KIAA0753: variants seen among roughly 807,000 people sequenced by gnomAD.
KIAA0753 encodes KIAA0753.
KIAA0753 carries 114 observed loss-of-function variants against 116.9 expected under a neutral mutation model. The observed-to-expected ratio is 0.98, with a 90% CI of 0.84 to 1.14. KIAA0753 has a LOEUF of 1.14. KIAA0753 is among the 50% of genes most tolerant of loss of function. KIAA0753 has a pLI of 0.00. For missense variants in KIAA0753, 1,156 were observed against 1,172.4 expected (o/e 0.99, Z 0.20); for synonymous variants, 405 against 413.1 (o/e 0.98, Z 0.24).
At chr17:6,594,288 C>CCA (rs371954732) in intron 16 of KIAA0753, among the ~76,000 whole-genome samples, 99 of 133,188 alleles carry the variant, frequency 7.4e-4, no homozygotes, top group African/African-American at 2.4e-3. Context: ...CCCCCCCCCC[C>CCA]AGAACTATAG....
intron 2 of KIAA0753, among the ~76,000 whole-genome samples, chr17:6,634,040 C>T (rs944168921): frequency 4.0e-5 from 6 of 150,234 alleles, no homozygotes; most frequent in African/African-American, 1.5e-4. Flanking sequence ...CATCTTTCAC[C>T]ATTTCTGACG....
intron 8 of KIAA0753, among the ~76,000 whole-genome samples, chr17:6,610,944 G>A (rs949750197): frequency 3.3e-5 from 5 of 152,194 alleles, no homozygotes; most frequent in African/African-American, 1.2e-4. Context: ...TGCCATAGAA[G>A]TTTGGGAAGA....
chr17:6,609,644 AAATATAAAAAAG>A (rs563678591), intron 9 of KIAA0753, among the ~76,000 whole-genome samples: 22 of 152,254 alleles, frequency 1.4e-4, no homozygotes, highest in Non-Finnish European at 2.8e-4. Flanking sequence ...CTGGACATTC[AAATATAAAAAAG>A]AATATAAAAA....
intron 14 of KIAA0753, among the ~76,000 whole-genome samples, chr17:6,597,550 ACTT>A (rs1185452697): frequency 1.3e-5 from 2 of 152,198 alleles, no homozygotes; most frequent in African/African-American, 2.4e-5. Context: ...CTTTTCATAT[ACTT>A]CTTCTGAATT....
rs1567540817 is a variant in KIAA0753 at position 6,591,061 on chromosome 17, A to AGAAGGAAGAAG, written c.2441-432_2441-431insCTTCTTCCTTC. On this transcript the variant is annotated intron_variant, in intron 16 of 18. Coordinates refer to ENST00000361413, the MANE Select transcript of KIAA0753 (RefSeq NM_014804.3). Reference sequence around the variant, plus strand: ...AGAAGGAAGAAGAAGAAGAAGAAGAAGAAGAAGAAGAAGAAGAAGAAGAAG... The same window carrying AGAAGGAAGAAG: ...AGAAGGAAGAAGAAGAAGAAGAAGAAGAAGGAAGAAGGAAGAAGAAGAAGAAGAAGAAGAAG... Among the ~76,000 whole-genome samples, 75 of 72,510 alleles carry AGAAGGAAGAAG rather than the reference A, an allele frequency of 1.0e-3. 2 individuals are homozygous for AGAAGGAAGAAG. The highest frequency in any genetic ancestry group is 7.1e-3 in the Middle Eastern group (1 of 140). The allele number at this position is 72,510 out of a possible 152,430, so 47.6% of individuals were successfully genotyped here. A position where few individuals can be genotyped will look rare whatever the true frequency, so the allele number is the denominator to read the frequency against.
chr17:6,623,985 C>T (rs141476734), intron 4 of KIAA0753: 87 of 155,690 alleles, frequency 5.6e-4, no homozygotes, highest in Non-Finnish European at 8.2e-4. Flanking sequence ...GCAATCTCTA[C>T]GGCAGCAGTG....
chr17:6,580,314 T>C (rs1053225563), intron 18 of KIAA0753, among the ~76,000 whole-genome samples: 2 of 151,274 alleles, frequency 1.3e-5, no homozygotes, highest in Admixed American at 6.6e-5. Flanking sequence ...ACAGCCAAGA[T>C]ACTTTTTTTT....
rs779913062 is a variant in KIAA0753 at position 6,628,123 on chromosome 17, T to A, written c.712A>T (p.Lys238Ter). Reference sequence around the variant, plus strand: ...AGAATCTAATTTTTCTCACCTTTTTTAGTTACCTCTTCAATTTTGTGGATA... The same window carrying A: ...AGAATCTAATTTTTCTCACCTTTTTAAGTTACCTCTTCAATTTTGTGGATA... The part of the protein sequence containing the change: ...SCIHKIEEVT[K>*]KDRLEEALDP... The change falls in exon 3 of 19, where the codon AAA becomes TAA. Residue 238 changes from lysine to a stop codon, truncating the protein, a stop_gained. Transcript: ENST00000361413. LOFTEE classifies it high-confidence loss of function. 6.2e-7 allele frequency: 1 copy of A among 1,605,942 alleles called. No individual in the cohort carries two copies. Among genetic ancestry groups the A allele is most frequent in the South Asian group, 1.1e-5 (1 of 89,766 alleles).
chr17:6,610,371 T>TGAAA (rs1234486015), intron 8 of KIAA0753, among the ~76,000 whole-genome samples: 1 of 151,978 alleles, frequency 6.6e-6, no homozygotes, highest in East Asian at 1.9e-4. Flanking sequence ...GGTGTAGAAT[T>TGAAA]TAAATCCCTG....
At chr17:6,621,158 CTAAT>C (rs1444547161) in intron 6 of KIAA0753, among the ~76,000 whole-genome samples, 160 bp from the exon 7 acceptor site, 1 of 152,138 alleles carries the variant, frequency 6.6e-6, no homozygotes, top group Non-Finnish European at 1.5e-5. Flanking sequence ...TTTAGGATAT[CTAAT>C]TAATTAGTAA....
At chr17:6,604,689 T>C (rs973246005) in intron 12 of KIAA0753, among the ~76,000 whole-genome samples, 2 of 151,934 alleles carry the variant, frequency 1.3e-5, no homozygotes, top group African/African-American at 4.8e-5. Flanking sequence ...TGAGGGCTCC[T>C]TGGGGGTGGG....
chr17:6,620,104 G>A (rs1043062663), intron 7 of KIAA0753, among the ~76,000 whole-genome samples: 1 of 152,074 alleles, frequency 6.6e-6, no homozygotes, highest in African/African-American at 2.4e-5. Flanking sequence ...ATATGAACAG[G>A]CAAATTACAG....
chr17:6,582,419 G>A (rs1968245542), intron 18 of KIAA0753, among the ~76,000 whole-genome samples: 3 of 152,190 alleles, frequency 2.0e-5, no homozygotes, highest in Non-Finnish European at 4.4e-5. Context: ...TGTTGACTAA[G>A]GGGATGTATA....
intron 12 of KIAA0753, among the ~76,000 whole-genome samples, chr17:6,605,283 C>A (rs1446724119): frequency 2.0e-5 from 3 of 152,156 alleles, no homozygotes; most frequent in Admixed American, 1.3e-4. Context: ...ATAGTCATCC[C>A]ATCCCCACAG....
At chr17:6,623,221 T>G in intron 5 of KIAA0753, 124 bp from the exon 6 acceptor site, 1 of 994,028 alleles carries the variant, frequency 1.0e-6, no homozygotes, top group Non-Finnish European at 1.4e-6. Context: ...TGTGAAAACT[T>G]TTTCATAGTA....
In KIAA0753 at chr17:6,599,273, C is replaced by A. The variant is rs775538007; in HGVS notation, c.2136G>T (p.Ser712=). The A allele has an allele frequency of 1.2e-5, 20 of 1,613,732 alleles. No individual in the cohort carries two copies. The highest frequency in any genetic ancestry group is 1.5e-5 in the Non-Finnish European group (18 of 1,179,810). ...TEANIHLKDG[S]SVNTAKAQPA... is the part of the protein sequence containing the mutation. ...GCTGGGCTTTCGCTGTGTTTACTGACGAGCCATCTTTCAAATGAATATTTG... is the reference window on the plus strand; with the variant it reads ...GCTGGGCTTTCGCTGTGTTTACTGAAGAGCCATCTTTCAAATGAATATTTG... The change falls in exon 14 of 19, where the codon TCG becomes TCT. Residue 712 remains serine (S), a synonymous_variant. Transcript: ENST00000361413.
intron 16 of KIAA0753, among the ~76,000 whole-genome samples, chr17:6,592,087 T>C (rs1010492874): frequency 1.2e-4 from 18 of 152,170 alleles, no homozygotes; most frequent in Non-Finnish European, 7.3e-5. Flanking sequence ...AGCCTGGCCT[T>C]GAAGAACAGC....
chr17:6,635,243 A>G (rs1567593239), intron 1 of KIAA0753, 72 bp from the exon 2 acceptor site: 1 of 613,548 alleles, frequency 1.6e-6, no homozygotes, highest in Non-Finnish European at 3.0e-6. Flanking sequence ...ACACAGTGCC[A>G]TGTGCATGTA....
chr17:6,591,071 G>T (rs540767492), intron 16 of KIAA0753, among the ~76,000 whole-genome samples: 2,208 of 118,056 alleles, frequency 0.019, 76 homozygotes, highest in Non-Finnish European at 0.024. Flanking sequence ...AGAAGAAGAA[G>T]AAGAAGAAGA....
Sources: gnomAD v4.1 joint callset for allele counts (sites outside exome capture counted in the v4.1 genomes callset) on GRCh38, gnomAD v4.1.1 for gene constraint, MANE v1.5 for transcripts, NCBI Gene and HGNC (gene_info 2026-07-23, HGNC 2026-07-21) for gene names.